LARGE1: variants seen among roughly 807,000 people sequenced by gnomAD.
The protein encoded by LARGE1 is LARGE xylosyl- and glucuronyltransferase 1.
In LARGE1, 43 loss-of-function variants were observed where a neutral mutation model predicts 87.6. The ratio of observed to expected loss-of-function variants is 0.49; its 90% confidence interval spans 0.38 to 0.63. The LOEUF is 0.63. LARGE1 is among the 30% of genes least tolerant of loss of function. The pLI is 0.00. For missense variants in LARGE1, 802 were observed against 1,000.2 expected (o/e 0.80, Z 2.67); for synonymous variants, 434 against 394.6 (o/e 1.10, Z -1.18).
At chr22:33,425,993 G>A (rs892222484) in intron 7 of LARGE1, among the ~76,000 whole-genome samples, 2 of 152,064 alleles carry the variant, frequency 1.3e-5, no homozygotes, top group Non-Finnish European at 2.9e-5. Flanking sequence ...TGATCCACCC[G>A]CTTCGGCCTC....
At chr22:33,125,208 G>A in the LARGE1 span, among the ~76,000 whole-genome samples, 1 of 152,214 alleles carries the variant, frequency 6.6e-6, no homozygotes, top group African/African-American at 2.4e-5. Flanking sequence ...CCAGTCTTCA[G>A]TCTGGTCTGG....
intron 6 of LARGE1, among the ~76,000 whole-genome samples, chr22:33,475,233 A>G (rs1023450063): frequency 6.6e-6 from 1 of 151,996 alleles, no homozygotes; most frequent in African/African-American, 2.4e-5. Context: ...ATCTCTTCCT[A>G]TTTGCATCAC....
intron 5 of LARGE1, among the ~76,000 whole-genome samples, chr22:33,575,279 C>A (rs555968695): frequency 6.6e-6 from 1 of 152,158 alleles, no homozygotes; most frequent in African/African-American, 2.4e-5. Context: ...AGCTTAAGTG[C>A]CCCACCTGAA....
At chr22:33,783,659 ATTG>A (rs978753040) in intron 1 of LARGE1, among the ~76,000 whole-genome samples, 4 of 152,130 alleles carry the variant, frequency 2.6e-5, no homozygotes, top group African/African-American at 9.7e-5. Context: ...TTTTGTTGTT[ATTG>A]TTGTTGTTGT....
At chr22:33,117,999 T>C in the LARGE1 span, among the ~76,000 whole-genome samples, 1 of 152,198 alleles carries the variant, frequency 6.6e-6, no homozygotes, top group South Asian at 2.1e-4. Flanking sequence ...CTTTTGATCA[T>C]TGTTTCTTTT....
intron 4 of LARGE1, among the ~76,000 whole-genome samples, chr22:33,616,049 A>G (rs1211993960): frequency 1.3e-5 from 2 of 152,230 alleles, no homozygotes; most frequent in East Asian, 3.8e-4. Flanking sequence ...GGAACCCTCA[A>G]TGGTTACCGG....
intron 6 of LARGE1, among the ~76,000 whole-genome samples, chr22:33,514,919 C>T (rs1287214070): frequency 6.6e-6 from 1 of 152,142 alleles, no homozygotes; most frequent in African/African-American, 2.4e-5. Flanking sequence ...AACATGAACA[C>T]ACAGCACTGT....
chr22:33,835,624 G>A (rs1315636335), intron 1 of LARGE1, among the ~76,000 whole-genome samples: 3 of 152,190 alleles, frequency 2.0e-5, no homozygotes, highest in Admixed American at 1.3e-4. Flanking sequence ...CACTAACTGC[G>A]GCCTATTTGG....
At chr22:33,470,100 C>T (rs2068770116) in intron 6 of LARGE1, among the ~76,000 whole-genome samples, 1 of 151,748 alleles carries the variant, frequency 6.6e-6, no homozygotes, top group African/African-American at 2.4e-5. Context: ...CCACGTTAGC[C>T]AGGATGGTCT....
chr22:33,240,865 C>T (rs1043391962), intron 11 of LARGE1, among the ~76,000 whole-genome samples: 16 of 152,094 alleles, frequency 1.1e-4, no homozygotes, highest in African/African-American at 3.9e-4. Flanking sequence ...CCCTTATGCT[C>T]TTCATTTTGT....
rs551619170 is a variant in LARGE1, at chr22:33,699,300, A to G, written c.107-48632T>C. Among the ~76,000 whole-genome samples, 6 of 152,332 alleles carry G rather than the reference A, an allele frequency of 3.9e-5. No individual in the cohort carries two copies. In the East Asian group the frequency reaches 1.2e-3, roughly 29 times the overall value. On this transcript the variant is annotated intron_variant, in intron 2 of 14. Coordinates refer to ENST00000397394, the MANE Select transcript of LARGE1 (RefSeq NM_133642.5). Reference sequence around the variant, plus strand: ...ACTAGTGCCTTCACCTCTTCGCAGAATGGGTGTCACAGGCTTCAGTGAAAA... The same window carrying G: ...ACTAGTGCCTTCACCTCTTCGCAGAGTGGGTGTCACAGGCTTCAGTGAAAA...
intron 11 of LARGE1, among the ~76,000 whole-genome samples, chr22:33,245,571 A>G (rs375498916): frequency 5.3e-5 from 8 of 152,304 alleles, no homozygotes; most frequent in Admixed American, 1.3e-4. Flanking sequence ...TACAGTTTAA[A>G]AAAATGCCTC....
chr22:33,157,733 C>T (rs919937545), downstream of LARGE1, among the ~76,000 whole-genome samples: 3 of 152,098 alleles, frequency 2.0e-5, no homozygotes, highest in Admixed American at 6.6e-5. Context: ...TCTTTTAGTA[C>T]TCATCGTAGT....
chr22:33,771,410 A>C (rs2145817353), intron 1 of LARGE1, among the ~76,000 whole-genome samples: 1 of 152,180 alleles, frequency 6.6e-6, no homozygotes, highest in East Asian at 1.9e-4. Context: ...TGTTTCAGTT[A>C]ATCATTTCTG....
intron 6 of LARGE1, among the ~76,000 whole-genome samples, chr22:33,458,647 C>T (rs1194844378): frequency 2.0e-5 from 3 of 151,704 alleles, no homozygotes; most frequent in African/African-American, 4.8e-5. Flanking sequence ...AGGCTGGTCT[C>T]GAACTCCTGA....
chr22:33,104,477 G>C, the LARGE1 span, among the ~76,000 whole-genome samples: 1 of 152,240 alleles, frequency 6.6e-6, no homozygotes, highest in Non-Finnish European at 1.5e-5. Context: ...AAGAAATGCT[G>C]CATTGGAGAG....
At chr22:33,496,044 A>G (rs1023137465) in intron 6 of LARGE1, among the ~76,000 whole-genome samples, 3 of 152,216 alleles carry the variant, frequency 2.0e-5, no homozygotes, top group African/African-American at 7.2e-5. Flanking sequence ...TAGGCCATCT[A>G]TAAGCTGAGG....
chr22:33,138,929 C>A, the LARGE1 span, among the ~76,000 whole-genome samples: 15 of 152,104 alleles, frequency 9.9e-5, no homozygotes, highest in Admixed American at 9.8e-4. Context: ...GGGAGGGACA[C>A]AATGGGAGGT....
At chr22:33,548,418 G>GT (rs199865081) in intron 6 of LARGE1, among the ~76,000 whole-genome samples, 28 of 98,772 alleles carry the variant, frequency 2.8e-4, no homozygotes, top group African/African-American at 4.6e-4. Flanking sequence ...CAGGCATTCC[G>GT]TTTTTTTTTT....
Sources: allele counts gnomAD v4.1 joint callset (sites outside exome capture counted in the v4.1 genomes callset), GRCh38; gene constraint gnomAD v4.1.1; transcripts MANE v1.5; gene names NCBI Gene and HGNC (gene_info 2026-07-23, HGNC 2026-07-21).